CLASP2: variants seen among roughly 807,000 people sequenced by gnomAD.
CLASP2 encodes cytoplasmic linker associated protein 2, also known as CLIP-associating protein 2.
CLASP2 carries 47 observed loss-of-function variants against 194.4 expected under a neutral mutation model. The ratio of observed to expected loss-of-function variants is 0.24; its 90% CI spans 0.19 to 0.31. The LOEUF is 0.31. CLASP2 is among the 10% of genes least tolerant of loss of function. The pLI is 1.00. For synonymous variants in CLASP2, 619 were observed against 633.5 expected (o/e 0.98, Z 0.34); for missense variants, 1,445 against 1,823.6 (o/e 0.79, Z 3.78).
intron 4 of CLASP2, among the ~76,000 whole-genome samples, chr3:33,687,408 T>C (rs1472233724): frequency 6.6e-6 from 1 of 152,222 alleles, no homozygotes; most frequent in Non-Finnish European, 1.5e-5. Context: ...TGTTCAACAA[T>C]GGCACTCTTA....
intron 29 of CLASP2, among the ~76,000 whole-genome samples, chr3:33,552,434 T>C (rs1229139656): frequency 2.6e-5 from 4 of 152,180 alleles, no homozygotes; most frequent in African/African-American, 9.7e-5. Flanking sequence ...CCAGTAATTC[T>C]TGATGTGTAG....
At chr3:33,548,764 T>C (rs1295183840) in intron 30 of CLASP2, among the ~76,000 whole-genome samples, 1 of 112,618 alleles carries the variant, frequency 8.9e-6, no homozygotes, top group Non-Finnish European at 1.8e-5. Flanking sequence ...GTTTCATTTC[T>C]TTTTTTTTTT....
intron 6 of CLASP2, among the ~76,000 whole-genome samples, chr3:33,677,292 T>A (rs1005039663): frequency 7.3e-5 from 11 of 151,602 alleles, no homozygotes; most frequent in African/African-American, 2.7e-4. Context: ...TAGCAAAGAC[T>A]TGGAACCAAC....
At chr3:33,628,093 G>A (rs576191461) in intron 9 of CLASP2, among the ~76,000 whole-genome samples, 16 of 152,184 alleles carry the variant, frequency 1.1e-4, no homozygotes, top group Admixed American at 7.9e-4. Flanking sequence ...TCATCAAACC[G>A]CCTTACATCT....
At chr3:33,651,026 T>C (rs1210114005) in intron 7 of CLASP2, among the ~76,000 whole-genome samples, 1 of 152,198 alleles carries the variant, frequency 6.6e-6, no homozygotes, top group African/African-American at 2.4e-5. Context: ...TAACAAAACA[T>C]GATGTGAACT....
Position 33,560,862 on chromosome 3 carries a change from G to C in CLASP2, c.2876C>G (p.Ala959Gly), listed in dbSNP as rs373215296. 1.2e-6 allele frequency: 2 copies of C among 1,613,872 alleles called. No homozygotes were observed. Among genetic ancestry groups the C allele is most frequent in the Non-Finnish European group, 1.7e-6 (2 of 1,179,838 alleles). ...LLTQLLKKMG[A>G]DLLGSVQAKV... Reference sequence around the variant, plus strand: ...TGCCTGAACAGATCCAAGCAAATCAGCACCCATTTTTTTTAGTAGTTGTGT... The same window carrying C: ...TGCCTGAACAGATCCAAGCAAATCACCACCCATTTTTTTTAGTAGTTGTGT... The change falls in exon 28 of 39, where the codon GCT (alanine) becomes GGT (glycine). Residue 959 changes from alanine to glycine, a missense_variant. This residue lies in a region of CLASP2 where 732 missense variants were observed against 987.9 expected (regional missense o/e 0.74). Transcript: ENST00000682230.
At chr3:33,581,771 T>C (rs1273729388) in intron 23 of CLASP2, 50 bp downstream of exon 23, 6 of 1,279,720 alleles carry the variant, frequency 4.7e-6, no homozygotes, top group Non-Finnish European at 6.8e-6. Flanking sequence ...TAACAGATAG[T>C]GATAACACCA....
chr3:33,616,016 AAAAAT>A (rs2076094379), intron 12 of CLASP2, among the ~76,000 whole-genome samples: 1 of 152,040 alleles, frequency 6.6e-6, no homozygotes, highest in Non-Finnish European at 1.5e-5. Flanking sequence ...AAAAATCTAG[AAAAAT>A]AAAATGAGCT....
At chr3:33,499,264 A>G (rs1162876320) in intron 38 of CLASP2, among the ~76,000 whole-genome samples, 2 of 152,022 alleles carry the variant, frequency 1.3e-5, no homozygotes, top group African/African-American at 2.4e-5. Flanking sequence ...CCCTTCTGCC[A>G]TGATTGTAAG....
Position 33,573,227 on chromosome 3 carries a change from A to G in CLASP2, c.2582T>C (p.Met861Thr), listed in dbSNP as rs2064142211. The change falls in exon 25 of 39, where the codon ATG (methionine) becomes ACG (threonine). Residue 861 changes from methionine (M) to threonine (T), a missense_variant. By Grantham distance (81) the Met-to-Thr change is moderately conservative. Around this residue, in one of 4 missense-constraint regions of CLASP2, gnomAD observed 732 missense variants for 987.9 expected, o/e 0.74. Coordinates refer to ENST00000682230, the MANE Select transcript of CLASP2 (RefSeq NM_001365631.1). ...TTCTGCCACATCTTCCGTCTGCCTCATATATGTAGGAATACTACCATTTCG... is the reference window on the plus strand; with the variant it reads ...TTCTGCCACATCTTCCGTCTGCCTCGTATATGTAGGAATACTACCATTTCG... The part of the protein sequence containing the change: ...SSRNGSIPTY[M>T]RQTEDVAEVL... The G allele has an allele frequency of 6.8e-6, 11 of 1,613,928 alleles. No individual in the cohort carries two copies. Among genetic ancestry groups the G allele is most frequent in the Non-Finnish European group, 9.3e-6 (11 of 1,179,852 alleles).
At chr3:33,520,772 T>G (rs974284382) in intron 34 of CLASP2, among the ~76,000 whole-genome samples, 1 of 151,776 alleles carries the variant, frequency 6.6e-6, no homozygotes, top group East Asian at 1.9e-4. Flanking sequence ...GAACTACTAG[T>G]GTAAAAACAT....
intron 34 of CLASP2, among the ~76,000 whole-genome samples, chr3:33,519,787 C>T (rs1434193575): frequency 6.6e-6 from 1 of 152,036 alleles, no homozygotes; most frequent in Admixed American, 6.5e-5. Flanking sequence ...AAATGGCTGC[C>T]TATGTTTCAG....
chr3:33,645,391 T>C, intron 7 of CLASP2: 2 of 756,944 alleles, frequency 2.6e-6, no homozygotes, highest in Admixed American at 3.5e-5. Flanking sequence ...GTAAATTCGA[T>C]ACTAATCAAA....
At position 33,666,882 on chromosome 3, in the gene CLASP2, A is replaced by G. The variant is rs534843754; in HGVS notation, c.645-3367T>C. Among the ~76,000 whole-genome samples, 49 of 152,116 alleles carry G rather than the reference A, an allele frequency of 3.2e-4. No individual in the cohort carries two copies. In the South Asian group the frequency reaches 9.7e-3, roughly 30 times the overall value. On this transcript the variant is annotated intron_variant, in intron 6 of 38. Transcript: ENST00000682230. ...TCATCAATATTTGTTATTGTCTATC[A>G]TTTTTATTTGTCTATCAGTTTTTAT...
intron 7 of CLASP2, among the ~76,000 whole-genome samples, chr3:33,654,295 T>G (rs954239623): frequency 6.6e-6 from 1 of 151,738 alleles, no homozygotes; most frequent in Non-Finnish European, 1.5e-5. Context: ...TGCACATGAG[T>G]GCACACACAC....
chr3:33,684,806 T>C (rs1575576645), intron 5 of CLASP2, among the ~76,000 whole-genome samples: 1 of 146,096 alleles, frequency 6.8e-6, no homozygotes, highest in East Asian at 2.1e-4. Flanking sequence ...TTGAGACCAG[T>C]CTGGCCAACA....
intron 1 of CLASP2, among the ~76,000 whole-genome samples, chr3:33,717,177 T>C (rs538190679): frequency 3.3e-5 from 5 of 152,322 alleles, no homozygotes; most frequent in Admixed American, 2.6e-4. Context: ...CGTATCCTAA[T>C]GTCCTATCTG....
chr3:33,653,995 CA>C (rs1167278143), intron 7 of CLASP2, among the ~76,000 whole-genome samples: 1 of 123,820 alleles, frequency 8.1e-6, no homozygotes, highest in African/African-American at 3.2e-5. Flanking sequence ...TTAAAAGATG[CA>C]AAAAAAGAAG....
Position 33,622,230 on chromosome 3 carries a change from G to A in CLASP2, c.1086C>T (p.Cys362=). The change falls in exon 11 of 39, where the codon TGC becomes TGT. Residue 362 remains cysteine (C), a synonymous_variant. Transcript: ENST00000682230. ...LLVAGAAQYD[C]FFQHLRLLDG... is the part of the protein sequence containing the mutation. ...CCAACAATCGTAAATGTTGAAAAAA[G>A]CAATCATACTGTGCAGCTCCAGCAA... is the stretch of plus-strand genomic sequence containing the variant. 2 of 1,601,184 alleles carry A rather than the reference G, an allele frequency of 1.2e-6. No individual in the cohort carries two copies. Among genetic ancestry groups the A allele is most frequent in the Non-Finnish European group, 1.7e-6 (2 of 1,173,812 alleles).
Sources: allele counts gnomAD v4.1 joint callset (sites outside exome capture counted in the v4.1 genomes callset), GRCh38; gene constraint gnomAD v4.1.1; regional missense constraint gnomAD v4.1.1; transcripts MANE v1.5; gene names NCBI Gene and HGNC (gene_info 2026-07-23, HGNC 2026-07-21).